The following DEPTOR variants were observed in gnomAD, a reference collection of about 807,000 sequenced individuals.
DEPTOR encodes DEP domain-containing mTOR-interacting protein.
Under a neutral mutation model 41.6 loss-of-function variants are expected in DEPTOR, and 41 were observed. The observed-to-expected ratio is 0.98, with a 90% CI of 0.77 to 1.28. The LOEUF (loss-of-function observed/expected upper bound fraction) is 1.28, where lower values mean the gene tolerates loss of function less well. Ranked by LOEUF, DEPTOR falls within the 50% of genes most tolerant of loss-of-function variation. The pLI is 0.00. For synonymous variants in DEPTOR, 195 were observed against 192.3 expected (o/e 1.01, Z -0.12); for missense variants, 514 against 527.9 (o/e 0.97, Z 0.26).
chr8:119,985,511 C>T (rs190136887), intron 4 of DEPTOR, among the ~76,000 whole-genome samples: 1 of 152,256 alleles, frequency 6.6e-6, no homozygotes, highest in East Asian at 1.9e-4. Context: ...TGCCTGTTCA[C>T]TCTTATGATA....
chr8:119,985,684 A>T (rs1217068502), intron 4 of DEPTOR, among the ~76,000 whole-genome samples: 1 of 151,958 alleles, frequency 6.6e-6, no homozygotes, highest in Non-Finnish European at 1.5e-5. Context: ...GTTCTCCTGT[A>T]TTGTGTGTAT....
At chr8:120,045,140 C>A (rs1813135230) in intron 8 of DEPTOR, among the ~76,000 whole-genome samples, 1 of 152,124 alleles carries the variant, frequency 6.6e-6, no homozygotes, top group African/African-American at 2.4e-5. Flanking sequence ...GTGAAATGAG[C>A]AGTTCACGGT....
Position 120,050,487 on chromosome 8 carries a change from A to G in DEPTOR, c.*783A>G, listed in dbSNP as rs1813219969. The G allele has an allele frequency of 6.6e-6, 1 of 152,202 alleles. No homozygotes were observed. The highest frequency in any genetic ancestry group is 2.1e-4 in the South Asian group (1 of 4,836). The allele number at this position is 152,202 out of a possible 1,614,324, so 9.4% of individuals were successfully genotyped here. The stretch of plus-strand genomic sequence containing the variant: ...AATGTTAAAATAGAGAAGTTTGTAT[A>G]TACACATAATTAAAAATCAACCCTT... On this transcript the variant is annotated 3_prime_UTR_variant, in exon 9 of 9. Transcript: ENST00000286234.
At chr8:120,003,645 A>G (rs1031865142) in intron 6 of DEPTOR, among the ~76,000 whole-genome samples, 8 of 152,164 alleles carry the variant, frequency 5.3e-5, no homozygotes, top group African/African-American at 1.9e-4. Flanking sequence ...TTGGGGCCCA[A>G]CACCCTTAAG....
At chr8:119,945,890 C>T (rs1030828634) in intron 3 of DEPTOR, among the ~76,000 whole-genome samples, 2 of 152,000 alleles carry the variant, frequency 1.3e-5, no homozygotes, top group Non-Finnish European at 2.9e-5. Flanking sequence ...AGAAGAGGCA[C>T]GTATTGAAGT....
At chr8:119,876,426 T>C (rs6985016) in intron 1 of DEPTOR, among the ~76,000 whole-genome samples, 152,170 of 152,254 alleles carry the variant, frequency 1, 76,043 homozygotes, top group Non-Finnish European at 1. Flanking sequence ...TCCCTTGAGG[T>C]CTGGAGTTCA....
At chr8:119,874,066 A>G (rs1487233665) in intron 1 of DEPTOR, 98 bp downstream of exon 1, 1 of 1,563,538 alleles carries the variant, frequency 6.4e-7, no homozygotes, top group Middle Eastern at 1.8e-4. Flanking sequence ...GTGGCTTGCG[A>G]CTCGCGTGGG....
intron 4 of DEPTOR, among the ~76,000 whole-genome samples, chr8:119,984,019 C>G (rs1828800205): frequency 1.3e-5 from 2 of 152,064 alleles, no homozygotes; most frequent in Non-Finnish European, 2.9e-5. Flanking sequence ...CAGGAGTGAG[C>G]CTTTGGGAAG....
chr8:119,961,526 G>A (rs1017769977), intron 3 of DEPTOR, among the ~76,000 whole-genome samples: 3 of 152,016 alleles, frequency 2.0e-5, no homozygotes, highest in African/African-American at 7.2e-5. Context: ...CTACAGCATG[G>A]TTGGGCTCTG....
chr8:120,028,452 C>CTT (rs754049805), intron 8 of DEPTOR, among the ~76,000 whole-genome samples: 44 of 107,342 alleles, frequency 4.1e-4, no homozygotes, highest in Admixed American at 8.0e-4. Flanking sequence ...AGCTCCAAAT[C>CTT]TTTTTTTTTT....
intron 1 of DEPTOR, among the ~76,000 whole-genome samples, chr8:119,924,556 A>G (rs987702586): frequency 5.3e-5 from 8 of 151,824 alleles, no homozygotes; most frequent in Non-Finnish European, 1.0e-4. Flanking sequence ...TACTTTATTT[A>G]TGTTTTCATC....
At chr8:119,970,849 G>A (rs558264828) in intron 4 of DEPTOR, among the ~76,000 whole-genome samples, 11 of 152,210 alleles carry the variant, frequency 7.2e-5, no homozygotes, top group African/African-American at 1.9e-4. Context: ...TTCTCTAGCC[G>A]TGAAATGCAG....
intron 3 of DEPTOR, among the ~76,000 whole-genome samples, chr8:119,946,464 G>A (rs1361459859): frequency 6.6e-6 from 1 of 150,822 alleles, no homozygotes; most frequent in Admixed American, 6.6e-5. Context: ...CTCTGAGGCC[G>A]GGTGCAGTGG....
chr8:119,962,107 A>G (rs1031039202), intron 3 of DEPTOR, among the ~76,000 whole-genome samples: 1 of 149,802 alleles, frequency 6.7e-6, no homozygotes, highest in African/African-American at 2.5e-5. Flanking sequence ...AAAAAAAAAA[A>G]GTAGCTGGAC....
At chr8:119,917,881 C>A (rs1472119661) in intron 1 of DEPTOR, among the ~76,000 whole-genome samples, 2 of 152,180 alleles carry the variant, frequency 1.3e-5, no homozygotes, top group African/African-American at 4.8e-5. Context: ...CGCCTTAGGG[C>A]GGAGGTGGAA....
intron 2 of DEPTOR, among the ~76,000 whole-genome samples, chr8:119,929,554 T>G (rs1207959597): frequency 6.6e-6 from 1 of 152,098 alleles, no homozygotes; most frequent in African/African-American, 2.4e-5. Context: ...TGTGTGAACT[T>G]CCTAAATATG....
intron 8 of DEPTOR, among the ~76,000 whole-genome samples, chr8:120,014,830 T>A (rs1319622249): frequency 6.6e-6 from 1 of 152,118 alleles, no homozygotes; most frequent in Non-Finnish European, 1.5e-5. Flanking sequence ...ACCCCCAAGC[T>A]ATTCTGTAGG....
chr8:120,015,488 A>G (rs986546367), intron 8 of DEPTOR, among the ~76,000 whole-genome samples: 4 of 152,162 alleles, frequency 2.6e-5, no homozygotes, highest in Admixed American at 2.0e-4. Flanking sequence ...GTGTTTGGTA[A>G]GGGTCTGCCT....
intron 3 of DEPTOR, among the ~76,000 whole-genome samples, chr8:119,957,346 C>G (rs1486744298): frequency 6.6e-6 from 1 of 152,170 alleles, no homozygotes; most frequent in Non-Finnish European, 1.5e-5. Flanking sequence ...AGCTTCTAAT[C>G]AAGTGAGCAA....
Sources: gnomAD v4.1 joint callset for allele counts (sites outside exome capture counted in the v4.1 genomes callset) on GRCh38, gnomAD v4.1.1 for gene constraint, MANE v1.5 for transcripts, NCBI Gene and HGNC (gene_info 2026-07-23, HGNC 2026-07-21) for gene names.